The following PLAAT3 variants were observed in gnomAD, a reference collection of about 807,000 sequenced individuals.
The protein encoded by PLAAT3 is phospholipase A and acyltransferase 3, also known as Ca-independent phospholipase A1/2.
PLAAT3 carries 21 observed loss-of-function variants against 16.7 expected under a neutral mutation model. That is an observed-to-expected ratio of 1.26 (90% CI 0.89 to 1.81). PLAAT3 has a LOEUF of 1.81. Among genes scored for constraint, PLAAT3 ranks in the 40% most tolerant of loss-of-function variants. The pLI is 0.00. For missense variants in PLAAT3, 219 were observed against 213.7 expected (o/e 1.02, Z -0.16); for synonymous variants, 76 against 81.7 (o/e 0.93, Z 0.38).
At chr11:63,597,072 G>A (rs1311884526) in intron 3 of PLAAT3, among the ~76,000 whole-genome samples, 1 of 150,528 alleles carries the variant, frequency 6.6e-6, no homozygotes, top group Non-Finnish European at 1.5e-5. Flanking sequence ...CTCTACCCTG[G>A]GCAAGAAAAG....
At chr11:63,616,920 C>G (rs1938889408), upstream of PLAAT3, 1 of 150,598 alleles carries the variant, frequency 6.6e-6, no homozygotes, top group African/African-American at 2.4e-5. Context: ...GGGGGCGGAG[C>G]CTGCAGTGAG....
chr11:63,615,196 G>A (rs1369412369), upstream of PLAAT3, among the ~76,000 whole-genome samples: 8 of 101,090 alleles, frequency 7.9e-5, no homozygotes, highest in African/African-American at 2.4e-4. Context: ...ATATATGTGT[G>A]TATATATGTG....
At chr11:63,615,292 ATATATG>A (rs1420161338), upstream of PLAAT3, among the ~76,000 whole-genome samples, 6 of 103,264 alleles carry the variant, frequency 5.8e-5, no homozygotes, top group South Asian at 6.8e-4. Context: ...ATATGTGTAT[ATATATG>A]TGTGTATATA....
chr11:63,592,166 CT>C (rs1023138004), intron 3 of PLAAT3, among the ~76,000 whole-genome samples: 7 of 150,026 alleles, frequency 4.7e-5, no homozygotes, highest in East Asian at 1.9e-4. Context: ...AAAGTTCCTT[CT>C]TTTTTTTTTC....
chr11:63,598,024 T>G, intron 3 of PLAAT3, 37 bp downstream of exon 3: 1 of 1,378,744 alleles, frequency 7.3e-7, no homozygotes, highest in Non-Finnish European at 1.0e-6. Context: ...TCCCAGCCCC[T>G]GGGGCCCATC....
At position 63,590,315 on chromosome 11, in the gene PLAAT3, C is replaced by A; in HGVS notation, c.172G>T (p.Ala58Ser). 1.2e-6 allele frequency: 2 copies of A among 1,614,070 alleles called. No individual in the cohort carries two copies. The highest frequency in any genetic ancestry group is 1.6e-4 in the Middle Eastern group (1 of 6,062). ...TACAGCAATTCCTTCTTCACGATGG[C>A]CTTGTCAGTCAGGGCGGACATGACA... The part of the protein sequence containing the change: ...ASVMSALTDK[A>S]IVKKELLYDV... Residue 58 changes from alanine to serine, a missense_variant, in exon 4 of 5, where the codon GCC becomes TCC. Ala to Ser is a moderately conservative substitution (Grantham distance 99, BLOSUM62 1). Coordinates refer to ENST00000415826, the MANE Select transcript of PLAAT3 (RefSeq NM_001128203.2).
rs200819498 is a variant in PLAAT3, at chr11:63,595,699, G to GT, written c.118+2361dup. On this transcript the variant is annotated intron_variant, in intron 3 of 4. Transcript: ENST00000415826. ...GATCTGGGGCACTGTTACATGGATG[G>GT]TTTTTTTTAATTCACTGACTGTATA... Among the ~76,000 whole-genome samples the GT allele has an allele frequency of 5.1e-3, 772 of 152,050 alleles. 4 individuals are homozygous for GT. The highest frequency in any genetic ancestry group is 7.8e-3 in the Non-Finnish European group (533 of 67,978).
rs1590694349 is a variant in PLAAT3 at position 63,598,262 on chromosome 11, A to G, written c.16-99T>C. On this transcript the variant is annotated intron_variant, in intron 2 of 4. Transcript: ENST00000415826. ...TGCAGCTGAGTGGTCCCCAGCTATC[A>G]GCTCAGCAGAACATATGTCCTGAGC... is the stretch of plus-strand genomic sequence containing the variant. 4 of 776,450 alleles carry G rather than the reference A, an allele frequency of 5.2e-6. No individual in the cohort carries two copies. In the East Asian group the frequency reaches 7.7e-5, roughly 15 times the overall value. 48.1% of individuals were successfully genotyped at this position (776,450 alleles called of 1,614,324 possible).
At chr11:63,592,042 C>A (rs1027162338) in intron 3 of PLAAT3, among the ~76,000 whole-genome samples, 15 of 152,200 alleles carry the variant, frequency 9.9e-5, no homozygotes, top group African/African-American at 2.4e-5. Flanking sequence ...CTGGGTTCGA[C>A]CCCAGCACAT....
intron 4 of PLAAT3, among the ~76,000 whole-genome samples, 198 bp downstream of exon 4, chr11:63,589,902 G>A (rs770318510): frequency 2.3e-4 from 10 of 44,028 alleles, no homozygotes; most frequent in Non-Finnish European, 4.1e-4. Context: ...CCCCGCCCCC[G>A]ACTACACTGA....
intron 2 of PLAAT3, 24 bp downstream of exon 2, chr11:63,613,976 A>C: frequency 1.1e-4 from 125 of 1,159,784 alleles, no homozygotes; most frequent in Non-Finnish European, 1.6e-4. Flanking sequence ...AGCCCCGCCC[A>C]GCCCCGCCTC....
chr11:63,594,676 G>A (rs1000618823), intron 3 of PLAAT3, among the ~76,000 whole-genome samples: 20 of 152,272 alleles, frequency 1.3e-4, no homozygotes, highest in African/African-American at 4.8e-4. Flanking sequence ...AATGGGAAGC[G>A]AGGAACCGGA....
intron 2 of PLAAT3, among the ~76,000 whole-genome samples, chr11:63,605,680 G>A (rs1254493449): frequency 6.6e-6 from 1 of 151,886 alleles, no homozygotes; most frequent in Non-Finnish European, 1.5e-5. Flanking sequence ...AGCCTCCCGA[G>A]TAGCTGGGAC....
chr11:63,610,521 C>T (rs983441254), intron 2 of PLAAT3, among the ~76,000 whole-genome samples: 1 of 152,214 alleles, frequency 6.6e-6, no homozygotes, highest in Non-Finnish European at 1.5e-5. Flanking sequence ...CCTCCTCCAG[C>T]CCCTCTCAGC....
chr11:63,583,522 A>T (rs1937881825), intron 4 of PLAAT3, among the ~76,000 whole-genome samples: 2 of 152,262 alleles, frequency 1.3e-5, no homozygotes, highest in South Asian at 4.1e-4. Flanking sequence ...ATAGTCAAAG[A>T]GTATGATTAA....
intron 3 of PLAAT3, among the ~76,000 whole-genome samples, chr11:63,592,225 G>T (rs1334919256): frequency 6.6e-6 from 1 of 152,010 alleles, no homozygotes; most frequent in East Asian, 1.9e-4. Context: ...GAAATGCAGT[G>T]GTGTGATCTT....
At chr11:63,598,901 TGTGAGA>T in intron 2 of PLAAT3, among the ~76,000 whole-genome samples, 1 of 152,144 alleles carries the variant, frequency 6.6e-6, no homozygotes, top group Non-Finnish European at 1.5e-5. Context: ...TGAGACTACG[TGTGAGA>T]GTGAGTGTGC....
intron 4 of PLAAT3, among the ~76,000 whole-genome samples, chr11:63,587,411 C>G (rs532653744): frequency 6.6e-6 from 1 of 151,792 alleles, no homozygotes; most frequent in Non-Finnish European, 1.5e-5. Context: ...GACAATAAAC[C>G]AATGCCTTCA....
rs775250322 is a variant in PLAAT3, at chr11:63,603,102, A to G, written c.16-4939T>C. ...AGCAAGACTCTATCTCAAAAAATAA[A>G]TAAAATAATAAAATGTTTACTATCT... On this transcript the variant is annotated intron_variant, in intron 2 of 4. Coordinates refer to ENST00000415826, the MANE Select transcript of PLAAT3 (RefSeq NM_001128203.2). Among the ~76,000 whole-genome samples the G allele has an allele frequency of 1.5e-3, 228 of 152,208 alleles. 6 individuals carry two copies. The highest frequency in any genetic ancestry group is 2.9e-4 in the Non-Finnish European group (20 of 68,040).
Sources: gnomAD v4.1 joint callset for allele counts (sites outside exome capture counted in the v4.1 genomes callset) on GRCh38, gnomAD v4.1.1 for gene constraint, MANE v1.5 for transcripts, NCBI Gene and HGNC (gene_info 2026-07-23, HGNC 2026-07-21) for gene names.